Variants in GPATCH1 observed in about 807,000 individuals in gnomAD.
The protein encoded by GPATCH1 is G patch domain-containing protein 1.
In GPATCH1, 73 loss-of-function variants were observed where a neutral mutation model predicts 114.9. The observed-to-expected ratio is 0.64, with a 90% CI of 0.53 to 0.77. The LOEUF is 0.77. Among genes scored for constraint, GPATCH1 ranks in the 30% least tolerant of loss-of-function variants. The probability of loss-of-function intolerance (pLI) is 0.00; values close to 1 mark genes in which losing one functional copy is unlikely to be tolerated. For synonymous variants in GPATCH1, 391 were observed against 428.4 expected, an observed-to-expected ratio of 0.91 and a Z score of 1.08; for missense variants, 1,058 against 1,144.3, an observed-to-expected ratio of 0.92 and a Z score of 1.09.
intron 11 of GPATCH1, among the ~76,000 whole-genome samples, chr19:33,110,703 A>T (rs1279625201): frequency 6.6e-6 from 1 of 151,014 alleles, no homozygotes; most frequent in Non-Finnish European, 1.5e-5. Context: ...AAACATAGGG[A>T]TGTGGTTGAG....
intron 17 of GPATCH1, among the ~76,000 whole-genome samples, chr19:33,120,374 A>T (rs1017110161): frequency 1.4e-5 from 2 of 146,358 alleles, no homozygotes; most frequent in South Asian, 4.2e-4. Context: ...AAAATTTTAT[A>T]AAAATATAAA....
chr19:33,121,108 T>A (rs1021900246), intron 17 of GPATCH1, among the ~76,000 whole-genome samples: 27 of 151,684 alleles, frequency 1.8e-4, no homozygotes, highest in African/African-American at 6.3e-4. Flanking sequence ...AATATATTTT[T>A]AAAATTTTAT....
At chr19:33,087,707 G>A (rs1972547829) in intron 1 of GPATCH1, among the ~76,000 whole-genome samples, 2 of 148,952 alleles carry the variant, frequency 1.3e-5, no homozygotes, top group South Asian at 4.2e-4. Flanking sequence ...TTTTGGGGGA[G>A]AAGTCTCGCT....
chr19:33,112,526 T>C lies in GPATCH1; in HGVS notation c.1805T>C (p.Met602Thr), dbSNP rs369277459. 2.5e-5 allele frequency: 40 copies of C among 1,614,046 alleles called. 1 individual carries two copies. In the East Asian group the frequency reaches 3.1e-4, roughly 13 times the overall value. ...AAGCAGTCGGCTGTGAAGATGAAGATGTTTGGGAAGCTCACCCGAGACACG... is the reference window on the plus strand; with the variant it reads ...AAGCAGTCGGCTGTGAAGATGAAGACGTTTGGGAAGCTCACCCGAGACACG... Reference protein sequence around the residue: ...GDKQSAVKMKMFGKLTRDTFE... With the variant: ...GDKQSAVKMKTFGKLTRDTFE... The change falls in exon 13 of 20, where the codon ATG becomes ACG. Residue 602 changes from methionine to threonine, a missense_variant. By Grantham distance (81) the Met-to-Thr change is moderately conservative. This residue lies in a region of GPATCH1 where 893 missense variants were observed against 977.4 expected (regional missense o/e 0.91). Transcript: ENST00000170564.
In GPATCH1 at chr19:33,097,266, G is replaced by GT. The variant is rs918786824; in HGVS notation, c.853-480dup. Among the ~76,000 whole-genome samples, 23 of 150,974 alleles carry GT rather than the reference G, an allele frequency of 1.5e-4. 1 individual carries two copies. The highest frequency in any genetic ancestry group is 3.6e-4 in the African/African-American group (15 of 41,170). On this transcript the variant is annotated intron_variant, in intron 7 of 19. Transcript: ENST00000170564. ...GCCCACCTTTTCTTTTTATAAACGTGTTTTTTTTTCAGTCTTTTAAACAAA... is the reference window on the plus strand; with the variant it reads ...GCCCACCTTTTCTTTTTATAAACGTGTTTTTTTTTTCAGTCTTTTAAACAAA...
rs756670368 is a variant in GPATCH1 at position 33,093,506 on chromosome 19, A to G, written c.442A>G (p.Ile148Val). The G allele has an allele frequency of 1.2e-6, 2 of 1,612,124 alleles. No individual in the cohort carries two copies. The highest frequency in any genetic ancestry group is 1.7e-5 in the Admixed American group (1 of 59,466). ...TGGAGCCACCCTCCTTGATGACCTC[A>G]TAACGCCAGCAAAGTGAGCATTTCC... ...IPGATLLDDL[I>V]TPAKLSVGFE... is the part of the protein sequence containing the mutation. The change falls in exon 4 of 20, where the codon ATA becomes GTA. Residue 148 changes from isoleucine to valine, a missense_variant. By Grantham distance (29) the Ile-to-Val change is conservative. Around this residue, in one of 3 missense-constraint regions of GPATCH1, gnomAD observed 893 missense variants for 977.4 expected, o/e 0.91. Transcript: ENST00000170564.
chr19:33,109,680 G>T (rs779936785), intron 10 of GPATCH1, 37 bp from the exon 11 acceptor site: 3 of 1,345,648 alleles, frequency 2.2e-6, no homozygotes, highest in Non-Finnish European at 3.1e-6. Flanking sequence ...TTGTCTCATG[G>T]CTCTTTTCAT....
chr19:33,111,178 A>G (rs1191555581), intron 11 of GPATCH1, among the ~76,000 whole-genome samples: 1 of 151,350 alleles, frequency 6.6e-6, no homozygotes. Context: ...GACTATAGGT[A>G]TGTGCCACCA....
chr19:33,086,467 A>AT lies in GPATCH1; in HGVS notation c.74-1659dup, dbSNP rs564648444. On this transcript the variant is annotated intron_variant, in intron 1 of 19. Transcript: ENST00000170564. ...TGAAGTAACTTGTTCAAGATGACAA[A>AT]TTTTTTTTCTTTTTTTGAGACAGAA... Among the ~76,000 whole-genome samples, 18 of 151,686 alleles carry AT rather than the reference A, an allele frequency of 1.2e-4. No homozygotes were observed. The South Asian group carries it at 3.6e-3, about 30-fold the overall frequency.
At chr19:33,112,002 G>T in intron 12 of GPATCH1, 100 bp downstream of exon 12, 1 of 889,262 alleles carries the variant, frequency 1.1e-6, no homozygotes, top group Non-Finnish European at 1.7e-6. Context: ...GTCTCTCTCT[G>T]TCGCCCAGGC....
intron 18 of GPATCH1, among the ~76,000 whole-genome samples, chr19:33,125,545 C>T (rs1221294233): frequency 1.3e-5 from 2 of 151,794 alleles, no homozygotes; most frequent in African/African-American, 4.8e-5. Flanking sequence ...CCACCACACC[C>T]GGCTAATTTT....
intron 9 of GPATCH1, among the ~76,000 whole-genome samples, chr19:33,103,219 T>C (rs770921695): frequency 3.9e-5 from 6 of 152,224 alleles, no homozygotes; most frequent in Admixed American, 1.3e-4. Flanking sequence ...CCTCTAAGGA[T>C]TGGCCTGTGC....
intron 15 of GPATCH1, among the ~76,000 whole-genome samples, chr19:33,115,792 G>A (rs994921278): frequency 2.6e-5 from 4 of 151,996 alleles, no homozygotes; most frequent in Admixed American, 2.6e-4. Flanking sequence ...ACCGCGCCTG[G>A]CTAAAGTGGG....
chr19:33,093,285 A>T, intron 3 of GPATCH1, 74 bp from the exon 4 acceptor site: 1 of 980,432 alleles, frequency 1.0e-6, no homozygotes. Context: ...TTTTTTTAAC[A>T]GAAATAAAAC....
At chr19:33,111,440 G>A (rs550984619) in intron 11 of GPATCH1, among the ~76,000 whole-genome samples, 1 of 150,698 alleles carries the variant, frequency 6.6e-6, no homozygotes, top group South Asian at 2.1e-4. Flanking sequence ...TGCCAGGCTG[G>A]TCCCGAACTC....
chr19:33,120,114 AT>A (rs1024393472), intron 17 of GPATCH1, among the ~76,000 whole-genome samples: 1 of 139,728 alleles, frequency 7.2e-6, no homozygotes, highest in African/African-American at 2.6e-5. Context: ...TTTTAACTTA[AT>A]TTAAATATAT....
chr19:33,095,944 C>T (rs1390710941), intron 6 of GPATCH1, 124 bp downstream of exon 6: 2 of 802,718 alleles, frequency 2.5e-6, no homozygotes, highest in East Asian at 2.4e-5. Flanking sequence ...AATACTCATA[C>T]CCTAAAGCTA....
chr19:33,105,772 C>A (rs1164679609), intron 9 of GPATCH1, among the ~76,000 whole-genome samples: 2 of 151,934 alleles, frequency 1.3e-5, no homozygotes, highest in African/African-American at 4.8e-5. Context: ...GATCTGCCTA[C>A]CTTGTCCTCC....
At chr19:33,085,336 C>T (rs1568336558) in intron 1 of GPATCH1, among the ~76,000 whole-genome samples, 2 of 152,110 alleles carry the variant, frequency 1.3e-5, no homozygotes, top group Admixed American at 6.6e-5. Flanking sequence ...CTCAGCACCC[C>T]CCAGCCCCCA....
Sources: gnomAD v4.1 joint callset for allele counts (sites outside exome capture counted in the v4.1 genomes callset) on GRCh38, gnomAD v4.1.1 for gene constraint, gnomAD v4.1.1 regional missense constraint, MANE v1.5 for transcripts, NCBI Gene and HGNC (gene_info 2026-07-23, HGNC 2026-07-21) for gene names.